SLC12A6: variants seen among roughly 807,000 people sequenced by gnomAD.
SLC12A6 encodes the protein solute carrier family 12 member 6.
Under a neutral mutation model 135.3 loss-of-function variants are expected in SLC12A6, and 66 were observed. The observed-to-expected ratio is 0.49, with a 90% CI of 0.40 to 0.60. SLC12A6 has a LOEUF of 0.60. SLC12A6 is among the 20% of genes least tolerant of loss of function. The probability of loss-of-function intolerance (pLI) is 0.00; values close to 1 mark genes in which losing one functional copy is unlikely to be tolerated. For synonymous variants in SLC12A6, 513 were observed against 508.8 expected (o/e 1.01, Z -0.11); for missense variants, 1,058 against 1,452.3 (o/e 0.73, Z 4.41).
At chr15:34,273,396 G>A (rs528615363) in intron 3 of SLC12A6, among the ~76,000 whole-genome samples, 3 of 151,992 alleles carry the variant, frequency 2.0e-5, no homozygotes, top group Admixed American at 1.3e-4. Flanking sequence ...AACATCACAC[G>A]GTCAGGACCT....
intron 15 of SLC12A6, 109 bp from the exon 16 acceptor site, chr15:34,244,181 CTTGA>C (rs1891834274): frequency 5.4e-6 from 4 of 747,120 alleles, no homozygotes; most frequent in South Asian, 1.4e-5. Flanking sequence ...ACAACTAACC[CTTGA>C]TTAAGTAGGA....
At chr15:34,318,512 T>G in intron 2 of SLC12A6, 1 of 1,461,778 alleles carries the variant, frequency 6.8e-7, no homozygotes, top group Non-Finnish European at 9.6e-7. Flanking sequence ...AGTTACTTCT[T>G]TCATGAAACA....
intron 2 of SLC12A6, among the ~76,000 whole-genome samples, chr15:34,305,041 G>C (rs572657563): frequency 3.3e-5 from 5 of 152,150 alleles, no homozygotes; most frequent in Admixed American, 6.5e-5. Flanking sequence ...TTGGGATTGT[G>C]AAATCCCCAA....
At chr15:34,337,029 G>A in intron 1 of SLC12A6, 1 of 354,816 alleles carries the variant, frequency 2.8e-6, no homozygotes, top group Non-Finnish European at 5.3e-6. Context: ...CATGGTCTCA[G>A]GGCAGCAGAT....
chr15:34,334,760 A>C (rs1258452078), intron 2 of SLC12A6, among the ~76,000 whole-genome samples: 1 of 152,132 alleles, frequency 6.6e-6, no homozygotes, highest in African/African-American at 2.4e-5. Flanking sequence ...AACAAACATA[A>C]ATTTCACTTA....
chr15:34,298,596 TG>T (rs1277836297), intron 2 of SLC12A6, among the ~76,000 whole-genome samples: 1 of 151,304 alleles, frequency 6.6e-6, no homozygotes, highest in Non-Finnish European at 1.5e-5. Flanking sequence ...GAAAAATGGG[TG>T]GGGGGAAATG....
intron 3 of SLC12A6, among the ~76,000 whole-genome samples, chr15:34,266,921 A>G (rs1893561827): frequency 6.6e-6 from 1 of 152,186 alleles, no homozygotes. Context: ...AGTGATTAAT[A>G]TATTTAGACA....
rs538172969 is a variant in SLC12A6 at position 34,250,315 on chromosome 15, C to T, written c.1632G>A (p.Gly544=). ...NVVLFGACIE[G]VVLRDKFGDA... is the part of the protein sequence containing the mutation. ...TTACTCACTTGTCTCTGAGAACAAC[C>T]CCTTCAATACATGCACCAAAAAGGA... Residue 544 remains glycine (G), a synonymous_variant, in exon 13 of 26, where the codon GGG becomes GGA. Transcript: ENST00000354181. 51 of 1,580,778 alleles carry T rather than the reference C, an allele frequency of 3.2e-5. 2 individuals carry two copies. In the South Asian group the frequency reaches 5.3e-4, roughly 16 times the overall value.
In SLC12A6 at chr15:34,236,092, T is replaced by C. The variant is rs1056434439; in HGVS notation, c.3150A>G (p.Thr1050=). ...CCCGGGATGCCATGTACTTGTCTTT[T>C]GTCCAAGTCATGTGCACCTTCTCCT... The part of the protein sequence containing the change: ...TYQEKVHMTW[T]KDKYMASRGQ... The change falls in exon 24 of 26, where the codon ACA becomes ACG. Residue 1050 remains threonine, a synonymous_variant. Transcript: ENST00000354181. The C allele has an allele frequency of 2.5e-6, 4 of 1,613,750 alleles. No individual in the cohort carries two copies. The African/African-American group carries it at 5.3e-5, about 22-fold the overall frequency.
chr15:34,277,163 AGTGG>A (rs1894352214), intron 2 of SLC12A6, among the ~76,000 whole-genome samples: 1 of 152,240 alleles, frequency 6.6e-6, no homozygotes, highest in African/African-American at 2.4e-5. Context: ...GGCTGGGTGC[AGTGG>A]CTCCTGCCTG....
At chr15:34,303,793 G>A (rs1896418757) in intron 2 of SLC12A6, among the ~76,000 whole-genome samples, 1 of 152,158 alleles carries the variant, frequency 6.6e-6, no homozygotes, top group Non-Finnish European at 1.5e-5. Flanking sequence ...GGAAGATGCA[G>A]CAAGAAGGCC....
At chr15:34,257,460 G>C in intron 6 of SLC12A6, 182 bp downstream of exon 6, 1 of 607,730 alleles carries the variant, frequency 1.6e-6, no homozygotes, top group Non-Finnish European at 2.9e-6. Context: ...ATAGCAAGCA[G>C]TGACTAACAG....
chr15:34,234,741 C>T (rs1345373189), intron 25 of SLC12A6, among the ~76,000 whole-genome samples: 1 of 152,164 alleles, frequency 6.6e-6, no homozygotes, highest in East Asian at 1.9e-4. Flanking sequence ...AAGGGTTTCC[C>T]GTATCCCAGG....
At position 34,275,486 on chromosome 15, in the gene SLC12A6, C is replaced by CA. The variant is rs989999930; in HGVS notation, c.272-98dup. 4.5e-5 allele frequency: 32 copies of CA among 712,872 alleles called. 1 individual carries two copies. The highest frequency in any genetic ancestry group is 1.5e-4 in the Admixed American group (7 of 45,850). The allele number at this position is 712,872 out of a possible 1,614,324, so 44.2% of individuals were successfully genotyped here. On this transcript the variant is annotated intron_variant, in intron 2 of 25. Coordinates refer to ENST00000354181, the MANE Select transcript of SLC12A6 (RefSeq NM_001365088.1). ...AACAAAAGTCAACCAAGGAAATAAG[C>CA]AAAAAAATTTAAAAACTTATGAAAT... is the stretch of plus-strand genomic sequence containing the variant.
chr15:34,250,655 C>A lies in SLC12A6; in HGVS notation c.1567G>T (p.Ala523Ser), dbSNP rs1892321379. ...QKSIPIGTIL[A>S]ILTTSFVYLS... ...CAAACAAAGGAGGTGGTCAGGATGG[C>A]AAGGATAGTACCAATCGGAATAGAC... The change falls in exon 12 of 26, where the codon GCC (alanine) becomes TCC (serine). Residue 523 changes from alanine to serine, a missense_variant. Physicochemically the swap from Ala to Ser is moderately conservative, Grantham distance 99 (BLOSUM62 1). This residue lies in a region of SLC12A6 where 297 missense variants were observed against 318.5 expected (regional missense o/e 0.93). Transcript: ENST00000354181. 6.3e-7 allele frequency: 1 copy of A among 1,597,522 alleles called. No homozygotes were observed. Among genetic ancestry groups the A allele is most frequent in the South Asian group, 1.1e-5 (1 of 90,720 alleles).
rs781530240 is a variant in SLC12A6 at position 34,237,425 on chromosome 15, C to T, written c.2928G>A (p.Val976=). The change falls in exon 22 of 26, where the codon GTG becomes GTA. Residue 976 remains valine, a synonymous_variant. Transcript: ENST00000354181. ...TCAAACTCAGCTTTCTCACCATCTC[C>T]ACCACTTCTACCTCCGCCTCAATGC... ...HLRIEAEVEV[V]EMHDSDISAY... The T allele has an allele frequency of 1.9e-6, 3 of 1,612,326 alleles. No homozygotes were observed. Among genetic ancestry groups the T allele is most frequent in the Admixed American group, 3.3e-5 (2 of 59,956 alleles).
chr15:34,257,815 TCA>T (rs1233885053), intron 5 of SLC12A6, 27 bp from the exon 6 acceptor site: 3 of 1,509,284 alleles, frequency 2.0e-6, no homozygotes, highest in African/African-American at 1.4e-5. Flanking sequence ...TGATAAAAAA[TCA>T]CACAGTTATC....
chr15:34,295,572 T>C lies in SLC12A6; in HGVS notation c.272-20183A>G, dbSNP rs1296166227. Reference sequence around the variant, plus strand: ...AGTACTGTGGAAAATATCAAAGTAATGTGGTTGAATTCTTAGCACTGATAT... The same window carrying C: ...AGTACTGTGGAAAATATCAAAGTAACGTGGTTGAATTCTTAGCACTGATAT... On this transcript the variant is annotated intron_variant, in intron 2 of 25. Coordinates refer to ENST00000354181, the MANE Select transcript of SLC12A6 (RefSeq NM_001365088.1). 2.6e-5 allele frequency among the ~76,000 whole-genome samples: 4 copies of C among 152,212 alleles called. No homozygotes were observed. In the East Asian group the frequency reaches 7.7e-4, roughly 29 times the overall value.
chr15:34,251,103 A>AC (rs1352347300), intron 10 of SLC12A6, 46 bp from the exon 11 acceptor site: 2 of 1,377,052 alleles, frequency 1.5e-6, no homozygotes, highest in Admixed American at 3.4e-5. Flanking sequence ...GTATGAAAAA[A>AC]AAAAGATAAT....
Sources: gnomAD v4.1 joint callset for allele counts (sites outside exome capture counted in the v4.1 genomes callset) on GRCh38, gnomAD v4.1.1 for gene constraint, gnomAD v4.1.1 regional missense constraint, MANE v1.5 for transcripts, NCBI Gene and HGNC (gene_info 2026-07-23, HGNC 2026-07-21) for gene names.